Variants in COBLL1 observed in about 807,000 individuals in gnomAD.
The protein encoded by COBLL1 is cordon-bleu protein-like 1.
COBLL1 carries 50 observed loss-of-function variants against 94.8 expected under a neutral mutation model. The ratio of observed to expected loss-of-function variants is 0.53; its 90% confidence interval spans 0.42 to 0.67. COBLL1 has a LOEUF of 0.67. Ranked by LOEUF, COBLL1 falls within the 30% of genes least tolerant of loss-of-function variation. The probability of loss-of-function intolerance (pLI) is 0.00; values close to 1 mark genes in which losing one functional copy is unlikely to be tolerated. For missense variants in COBLL1, 1,362 were observed against 1,348.7 expected (o/e 1.01, Z -0.15); for synonymous variants, 448 against 473.8 (o/e 0.95, Z 0.71).
At chr2:164,687,262 A>G in intron 13 of COBLL1, 1 of 517,766 alleles carries the variant, frequency 1.9e-6, no homozygotes, top group Non-Finnish European at 3.4e-6. Context: ...TAGTATTAAG[A>G]GGGGAAGCAC....
chr2:164,737,284 G>A (rs1686356444), intron 3 of COBLL1, among the ~76,000 whole-genome samples: 1 of 152,168 alleles, frequency 6.6e-6, no homozygotes, highest in Non-Finnish European at 1.5e-5. Flanking sequence ...ATGTTCTGAG[G>A]ACATTTGTGA....
At chr2:164,830,384 A>T (rs1292352846) in intron 2 of COBLL1, among the ~76,000 whole-genome samples, 1 of 152,230 alleles carries the variant, frequency 6.6e-6, no homozygotes, top group African/African-American at 2.4e-5. Flanking sequence ...AAATTGTAGT[A>T]CATATTCAAA....
chr2:164,703,090 G>A (rs761394501), intron 9 of COBLL1: 3 of 1,530,796 alleles, frequency 2.0e-6, no homozygotes, highest in Non-Finnish European at 2.7e-6. Context: ...GCCAGGAAAG[G>A]CCTGACCACC....
intron 2 of COBLL1, among the ~76,000 whole-genome samples, chr2:164,783,980 C>A (rs999327304): frequency 6.6e-6 from 1 of 152,054 alleles, no homozygotes; most frequent in African/African-American, 2.4e-5. Context: ...AATCAGTTAA[C>A]CCATCAAACA....
At chr2:164,704,067 T>C (rs1010760469) in intron 9 of COBLL1, among the ~76,000 whole-genome samples, 1 of 152,120 alleles carries the variant, frequency 6.6e-6, no homozygotes, top group African/African-American at 2.4e-5. Context: ...CATCAAGAAA[T>C]TGTGCTTACA....
At chr2:164,687,629 C>T (rs554340613) in intron 13 of COBLL1, 2 of 1,003,488 alleles carry the variant, frequency 2.0e-6, no homozygotes, top group East Asian at 4.8e-5. Context: ...GAGACATGAA[C>T]ATACATCTGA....
intron 2 of COBLL1, among the ~76,000 whole-genome samples, chr2:164,812,016 G>C (rs1205642984): frequency 6.6e-6 from 1 of 151,710 alleles, no homozygotes; most frequent in Admixed American, 6.6e-5. Flanking sequence ...CTCTTGATTA[G>C]ATTCCAATTT....
intron 2 of COBLL1, among the ~76,000 whole-genome samples, chr2:164,798,100 T>A (rs1559026147): frequency 6.6e-6 from 1 of 152,212 alleles, no homozygotes; most frequent in Non-Finnish European, 1.5e-5. Context: ...TTGCACCAGT[T>A]ACAACACAAA....
At chr2:164,790,208 A>C (rs954845522) in intron 2 of COBLL1, among the ~76,000 whole-genome samples, 1 of 152,216 alleles carries the variant, frequency 6.6e-6, no homozygotes, top group African/African-American at 2.4e-5. Context: ...AAAGATGTGC[A>C]TGTCAGGTTC....
chr2:164,692,044 A>G (rs970210136), intron 13 of COBLL1, among the ~76,000 whole-genome samples, 177 bp downstream of exon 13: 2 of 152,202 alleles, frequency 1.3e-5, no homozygotes, highest in Non-Finnish European at 2.9e-5. Context: ...TAGACCTGAC[A>G]TATTTTTCAA....
intron 2 of COBLL1, among the ~76,000 whole-genome samples, chr2:164,762,324 A>C (rs1687723239): frequency 6.6e-6 from 1 of 152,192 alleles, no homozygotes; most frequent in Admixed American, 6.5e-5. Context: ...TGTGTGTTTG[A>C]AGGAGGACAA....
In COBLL1 at chr2:164,722,452, A is replaced by C; in HGVS notation, c.732T>G (p.Phe244Leu). 6.6e-7 allele frequency: 1 copy of C among 1,525,484 alleles called. No individual in the cohort carries two copies. Among genetic ancestry groups the C allele is most frequent in the Non-Finnish European group, 8.8e-7 (1 of 1,139,140 alleles). 94.5% of individuals were successfully genotyped at this position (1,525,484 alleles called of 1,614,324 possible). A position where few individuals can be genotyped will look rare whatever the true frequency, so the allele number is the denominator to read the frequency against. Reference protein sequence around the residue: ...EKENKGFFSFFQRSKKKRDQT... With the variant: ...EKENKGFFSFLQRSKKKRDQT... ...GGTCTCGCTTTTTCTTACTGCGTTG[A>C]AAAAAACTGAAAAACCCTTTATTTT... Residue 244 changes from phenylalanine to leucine, a missense_variant, in exon 6 of 14, where the codon TTT (phenylalanine) becomes TTG (leucine). Transcript: ENST00000652658.
At chr2:164,788,633 T>C (rs1683007046) in intron 2 of COBLL1, among the ~76,000 whole-genome samples, 1 of 152,064 alleles carries the variant, frequency 6.6e-6, no homozygotes, top group Non-Finnish European at 1.5e-5. Flanking sequence ...GAGCCAACTT[T>C]GAAAGTAGTT....
chr2:164,769,525 G>A (rs941748960), intron 2 of COBLL1, among the ~76,000 whole-genome samples: 14 of 152,092 alleles, frequency 9.2e-5, no homozygotes, highest in Non-Finnish European at 1.2e-4. Context: ...TCCTGTTTGT[G>A]TAAAAGGCCA....
At chr2:164,698,157 C>T (rs983278979) in intron 11 of COBLL1, 3 of 151,958 alleles carry the variant, frequency 2.0e-5, no homozygotes, top group East Asian at 1.9e-4. Context: ...TACAACTTGA[C>T]TATTGTTTTA....
At chr2:164,746,550 G>A (rs145559873) in intron 2 of COBLL1, among the ~76,000 whole-genome samples, 25 of 152,038 alleles carry the variant, frequency 1.6e-4, no homozygotes, top group Non-Finnish European at 2.8e-4. Flanking sequence ...GAAAATATCA[G>A]TCAAAATGTA....
intron 2 of COBLL1, among the ~76,000 whole-genome samples, chr2:164,757,471 C>A (rs1335233320): frequency 6.6e-6 from 1 of 151,864 alleles, no homozygotes; most frequent in Non-Finnish European, 1.5e-5. Context: ...ATGAAAGAAA[C>A]AAAAATGATC....
In COBLL1 at chr2:164,694,583, C is replaced by T; in HGVS notation, c.2809G>A (p.Asp937Asn). The T allele has an allele frequency of 1.2e-6, 2 of 1,613,798 alleles. No individual in the cohort carries two copies. Among genetic ancestry groups the T allele is most frequent in the Non-Finnish European group, 1.7e-6 (2 of 1,179,884 alleles). The change falls in exon 12 of 14, where the codon GAT becomes AAT. Residue 937 changes from aspartate (D) to asparagine (N), a missense_variant. Coordinates refer to ENST00000652658, the MANE Select transcript of COBLL1 (RefSeq NM_001365672.2). ...TCAGCAGGAGCCTGACCGATGACAT[C>T]ATCATCAGTTTTTTCAACAAGGGGT... Reference protein sequence around the residue: ...PQPLVEKTDDDVIGQAPAEAS... With the variant: ...PQPLVEKTDDNVIGQAPAEAS...
downstream of COBLL1, among the ~76,000 whole-genome samples, chr2:164,675,432 A>G (rs1691319829): frequency 6.6e-6 from 1 of 152,198 alleles, no homozygotes; most frequent in Non-Finnish European, 1.5e-5. Flanking sequence ...TGAGGCACAG[A>G]TTTTAAATTT....
Sources: allele counts gnomAD v4.1 joint callset (sites outside exome capture counted in the v4.1 genomes callset), GRCh38; gene constraint gnomAD v4.1.1; transcripts MANE v1.5; gene names NCBI Gene and HGNC (gene_info 2026-07-23, HGNC 2026-07-21).